Variants in DSP observed in about 807,000 individuals in gnomAD.
The protein encoded by DSP is 250/210 kDa paraneoplastic pemphigus antigen.
In DSP, 114 loss-of-function variants were observed where a neutral mutation model predicts 290.6. That is an observed-to-expected ratio of 0.39 (90% confidence interval 0.34 to 0.46). DSP has a LOEUF of 0.46. Ranked by LOEUF, DSP falls within the 20% of genes least tolerant of loss-of-function variation. The probability of loss-of-function intolerance (pLI) is 0.99; values close to 1 mark genes in which losing one functional copy is unlikely to be tolerated. For missense variants in DSP, 3,230 were observed against 3,495.8 expected, an observed-to-expected ratio of 0.92 and a Z score of 1.92; for synonymous variants, 1,311 against 1,316.4, an observed-to-expected ratio of 1.00 and a Z score of 0.09.
Position 7,580,934 on chromosome 6 carries a change from A to G in DSP, c.4744A>G (p.Arg1582Gly), listed in dbSNP as rs1185629167. Residue 1582 changes from arginine (R) to glycine (G), a missense_variant, in exon 23 of 24, where the codon AGG becomes GGG. Arg to Gly is a moderately radical substitution (Grantham distance 125). Transcript: ENST00000379802. This position sits in a 1 kb window ranked among gnomAD's most constrained non-coding sequence, Gnocchi z 4.2. ...KVEEELNRLK[R>G]TASEDSCKRK... ...GGAAGAGGAGCTGAATCGGCTGAAG[A>G]GGACCGCGTCAGAAGACTCCTGCAA... 2 of 1,614,150 alleles carry G rather than the reference A, an allele frequency of 1.2e-6. No homozygotes were observed. The highest frequency in any genetic ancestry group is 1.7e-6 in the Non-Finnish European group (2 of 1,180,030).
chr6:7,580,110 C>T lies in DSP; in HGVS notation c.3920C>T (p.Ala1307Val). 6.2e-7 allele frequency: 1 copy of T among 1,613,982 alleles called. No homozygotes were observed. The highest frequency in any genetic ancestry group is 1.1e-5 in the South Asian group (1 of 91,078). ...ATGCAGCAGCGCTCTGAGGACAATGCCCGGCACAAGCAGTCCCTGGAGGAG... is the reference window on the plus strand; with the variant it reads ...ATGCAGCAGCGCTCTGAGGACAATGTCCGGCACAAGCAGTCCCTGGAGGAG... The part of the protein sequence containing the change: ...QVMQQRSEDN[A>V]RHKQSLEEAA... Residue 1307 changes from alanine to valine, a missense_variant, in exon 23 of 24, where the codon GCC becomes GTC. Transcript: ENST00000379802. This position sits in a 1 kb window ranked among gnomAD's most constrained non-coding sequence, Gnocchi z 4.2.
At chr6:7,554,125 A>ACACACACACACACACACACACACACAC (rs772041102) in intron 1 of DSP, among the ~76,000 whole-genome samples, 4 of 144,396 alleles carry the variant, frequency 2.8e-5, no homozygotes, top group African/African-American at 5.4e-5. Flanking sequence ...ACACACACAC[A>ACACACACACACACACACACACACACAC]CCCAGTTGGT....
chr6:7,578,497 C>G lies in DSP; in HGVS notation c.3019C>G (p.Leu1007Val). ...TGTTCATGCTCGGTACATTGAACTA[C>G]TTACAAGATCTGGAGACTATTACAG... ...ADVHARYIEL[L>V]TRSGDYYRFL... The change falls in exon 22 of 24, where the codon CTT becomes GTT. Residue 1007 changes from leucine (L) to valine (V), a missense_variant. By Grantham distance (32) the Leu-to-Val change is conservative (BLOSUM62 1). Coordinates refer to ENST00000379802, the MANE Select transcript of DSP (RefSeq NM_004415.4). The G allele has an allele frequency of 6.2e-7, 1 of 1,613,734 alleles. No individual in the cohort carries two copies. Among genetic ancestry groups the G allele is most frequent in the South Asian group, 1.1e-5 (1 of 91,070 alleles).
At chr6:7,544,491 C>CTTTTTTTTT (rs386406062) in intron 1 of DSP, among the ~76,000 whole-genome samples, 1 of 142,776 alleles carries the variant, frequency 7.0e-6, no homozygotes, top group Non-Finnish European at 1.5e-5. Flanking sequence ...TTCTTTCTTT[C>CTTTTTTTTT]TTTTTTTTTT....
At chr6:7,551,627 CTCA>C (rs1758344868) in intron 1 of DSP, among the ~76,000 whole-genome samples, 2 of 137,204 alleles carry the variant, frequency 1.5e-5, no homozygotes, top group Non-Finnish European at 3.1e-5. Flanking sequence ...GAGACTCCTT[CTCA>C]AAAAAAAAAA....
intron 4 of DSP, 41 bp downstream of exon 4, chr6:7,559,441 AC>A: frequency 6.2e-7 from 1 of 1,610,646 alleles, no homozygotes; most frequent in Non-Finnish European, 8.5e-7. Flanking sequence ...TGCAGGCCAG[AC>A]GTTCCAGCAC....
rs1482046071 is a variant in DSP, at chr6:7,583,883, C to T, written c.6621C>T (p.Ser2207=). The T allele has an allele frequency of 2.5e-6, 4 of 1,614,130 alleles. No individual in the cohort carries two copies. The highest frequency in any genetic ancestry group is 3.4e-6 in the Non-Finnish European group (4 of 1,180,022). ...GLLLLSVQKR[S]MSFQGIRQPV... ...TCTTGCTTTCAGTACAGAAGAGAAG[C>T]ATGTCCTTCCAAGGAATCAGACAAC... is the stretch of plus-strand genomic sequence containing the variant. The change falls in exon 24 of 24, where the codon AGC becomes AGT. Residue 2207 remains serine, a synonymous_variant. Transcript: ENST00000379802. The surrounding 1 kb of genome is among the most constrained non-coding windows in gnomAD (Gnocchi z 4.0).
In DSP at chr6:7,576,321, G is replaced by A. The variant is rs201404613; in HGVS notation, c.2658G>A (p.Lys886=). Residue 886 remains lysine, a synonymous_variant, in exon 19 of 24, where the codon AAG becomes AAA. Transcript: ENST00000379802. ...TATGGGACCTGGAGAAACAAATCAA[G>A]CAATTGAGGAATTATCGTGATAACT... The part of the protein sequence containing the change: ...FRLWDLEKQI[K]QLRNYRDNYQ... 6 of 1,613,974 alleles carry A rather than the reference G, an allele frequency of 3.7e-6. No homozygotes were observed. Among genetic ancestry groups the A allele is most frequent in the South Asian group, 1.1e-5 (1 of 91,084 alleles).
chr6:7,573,500 C>T (rs948056511), intron 15 of DSP, among the ~76,000 whole-genome samples: 3 of 151,908 alleles, frequency 2.0e-5, no homozygotes, highest in Non-Finnish European at 2.9e-5. Context: ...ATCGCTTGAA[C>T]CCAGGAGATG....
Position 7,585,651 on chromosome 6 carries a change from A to G in DSP, c.8389A>G (p.Ile2797Val), listed in dbSNP as rs1040353645. 3.7e-6 allele frequency: 6 copies of G among 1,614,136 alleles called. No homozygotes were observed. Among genetic ancestry groups the G allele is most frequent in the South Asian group, 2.2e-5 (2 of 91,094 alleles). The change falls in exon 24 of 24, where the codon ATC becomes GTC. Residue 2797 changes from isoleucine (I) to valine (V), a missense_variant. Physicochemically the swap from Ile to Val is conservative, Grantham distance 29. This residue lies in a region of DSP where 582 missense variants were observed against 555.4 expected (regional missense o/e 1.05). Coordinates refer to ENST00000379802, the MANE Select transcript of DSP (RefSeq NM_004415.4). Reference protein sequence around the residue: ...DAINRSMVEDITGLRLLEAAS... With the variant: ...DAINRSMVEDVTGLRLLEAAS... The stretch of plus-strand genomic sequence containing the variant: ...CATAAATCGCTCCATGGTAGAAGAT[A>G]TCACTGGGCTGCGCCTTCTGGAAGC...
rs755898551 is a variant in DSP at position 7,542,014 on chromosome 6, C to T, written c.99C>T (p.Gly33=). ...ACCTGCGCTACGAGGTGACCAGCGG[C>T]GGCGGGGGCACCAGCAGGATGTACT... ...GPDLRYEVTS[G]GGGTSRMYYS... Residue 33 remains glycine (G), a synonymous_variant, in exon 1 of 24, where the codon GGC becomes GGT. Transcript: ENST00000379802. The T allele has an allele frequency of 3.2e-5, 51 of 1,587,948 alleles. No individual in the cohort carries two copies. The highest frequency in any genetic ancestry group is 4.3e-5 in the Non-Finnish European group (50 of 1,168,202).
Position 7,544,413 on chromosome 6 carries a change from G to C in DSP, c.170+2328G>C, listed in dbSNP as rs192801254. Among the ~76,000 whole-genome samples the C allele has an allele frequency of 5.3e-5, 8 of 152,096 alleles. No individual in the cohort carries two copies. In the East Asian group the frequency reaches 1.5e-3, roughly 29 times the overall value. On this transcript the variant is annotated intron_variant, in intron 1 of 23. Coordinates refer to ENST00000379802, the MANE Select transcript of DSP (RefSeq NM_004415.4). Reference sequence around the variant, plus strand: ...CACTGCTCTCTGCTAAGTGAATGATGATTAAGAATTTCATAAGTATTTTTC... The same window carrying C: ...CACTGCTCTCTGCTAAGTGAATGATCATTAAGAATTTCATAAGTATTTTTC...
chr6:7,571,431 GA>G lies in DSP; in HGVS notation c.1751del (p.Glu584GlyfsTer52), dbSNP rs727505077. 6.2e-7 allele frequency: 1 copy of G among 1,614,186 alleles called. No homozygotes were observed. On this transcript the variant is annotated frameshift_variant, in exon 14 of 24. Transcript: ENST00000379802. LOFTEE classifies it high-confidence loss of function. ...EDYMKTIADL[E>X]LHYQEFIRNS... is the part of the protein sequence containing the mutation. ...TTACATGAAGACGATAGCCGACCTTGAGTTACATTACCAAGAGTTCATCAGA... is the reference window on the plus strand; with the variant it reads ...TTACATGAAGACGATAGCCGACCTTGGTTACATTACCAAGAGTTCATCAGA...
chr6:7,558,678 T>C (rs1758579938), intron 3 of DSP, among the ~76,000 whole-genome samples: 1 of 152,066 alleles, frequency 6.6e-6, no homozygotes, highest in Admixed American at 6.5e-5. Context: ...ACCTAGCAAA[T>C]TAAAAAAAAA....
At position 7,568,555 on chromosome 6, in the gene DSP, T is replaced by G; in HGVS notation, c.1385T>G (p.Ile462Ser). 1 of 1,614,080 alleles carries G rather than the reference T, an allele frequency of 6.2e-7. No homozygotes were observed. The highest frequency in any genetic ancestry group is 8.5e-7 in the Non-Finnish European group (1 of 1,180,028). The change falls in exon 11 of 24, where the codon ATT becomes AGT. Residue 462 changes from isoleucine to serine, a missense_variant. Transcript: ENST00000379802. ...NPDYRSNKPI[I>S]LRALCDYKQD... The stretch of plus-strand genomic sequence containing the variant: ...GACTACAGAAGCAATAAACCCATTA[T>G]TCTCAGAGCTCTCTGTGACTACAAA...
chr6:7,549,634 C>T (rs1207553288), intron 1 of DSP, among the ~76,000 whole-genome samples: 2 of 152,108 alleles, frequency 1.3e-5, no homozygotes, highest in Admixed American at 6.5e-5. Context: ...TATCATAATT[C>T]CTAACACACA....
chr6:7,567,917 A>G lies in DSP; in HGVS notation c.1266+11A>G. 4 of 1,613,118 alleles carry G rather than the reference A, an allele frequency of 2.5e-6. No individual in the cohort carries two copies. The highest frequency in any genetic ancestry group is 3.4e-6 in the Non-Finnish European group (4 of 1,179,672). ...ATCAAGGAGCTGGAGGTATCGTCTCAGACCCAGAACCTCAGCAGCTGTGCC... is the reference window on the plus strand; with the variant it reads ...ATCAAGGAGCTGGAGGTATCGTCTCGGACCCAGAACCTCAGCAGCTGTGCC... On this transcript the variant is annotated intron_variant, in intron 10 of 23. Transcript: ENST00000379802.
At position 7,584,462 on chromosome 6, in the gene DSP, A is replaced by C. The variant is rs1209240894; in HGVS notation, c.7200A>C (p.Glu2400Asp). 21 of 1,614,056 alleles carry C rather than the reference A, an allele frequency of 1.3e-5. No individual in the cohort carries two copies. Among genetic ancestry groups the C allele is most frequent in the Non-Finnish European group, 1.6e-5 (19 of 1,180,010 alleles). The change falls in exon 24 of 24, where the codon GAA becomes GAC. Residue 2400 changes from glutamate to aspartate, a missense_variant. Physicochemically the swap from Glu to Asp is conservative, Grantham distance 45 (BLOSUM62 2). This residue lies in a region of DSP where 207 missense variants were observed against 281.2 expected (regional missense o/e 0.74). Transcript: ENST00000379802. This position sits in a 1 kb window ranked among gnomAD's most constrained non-coding sequence, Gnocchi z 6.4. ...ATAAGAGGGGCTATTTCAATGAGGA[A>C]CTCAGTGAGATTCTCTCAGATCCAA... ...IAYKRGYFNE[E>D]LSEILSDPSD...
intron 10 of DSP, 115 bp downstream of exon 10, chr6:7,568,021 A>G: frequency 1.4e-6 from 2 of 1,475,848 alleles, no homozygotes; most frequent in Non-Finnish European, 1.8e-6. Context: ...CCCAGAGCCA[A>G]GCAAGCATTT....
Sources: allele counts gnomAD v4.1 joint callset (sites outside exome capture counted in the v4.1 genomes callset), GRCh38; gene constraint gnomAD v4.1.1; regional missense constraint gnomAD v4.1.1; non-coding constraint Gnocchi (gnomAD v3.1); transcripts MANE v1.5; gene names NCBI Gene and HGNC (gene_info 2026-07-23, HGNC 2026-07-21).